CHST8: variants seen among roughly 807,000 people sequenced by gnomAD.
CHST8 encodes the protein carbohydrate sulfotransferase 8.
Under a neutral mutation model 15.0 loss-of-function variants are expected in CHST8, and 10 were observed. That is an observed-to-expected ratio of 0.67 (90% CI 0.41 to 1.13). CHST8 has a LOEUF of 1.13. Among genes scored for constraint, CHST8 ranks in the 50% most tolerant of loss-of-function variants. The probability of loss-of-function intolerance (pLI) is 0.00; values close to 1 mark genes in which losing one functional copy is unlikely to be tolerated. For synonymous variants in CHST8, 259 were observed against 256.6 expected, an observed-to-expected ratio of 1.01 and a Z score of -0.09; for missense variants, 634 against 608.2, an observed-to-expected ratio of 1.04 and a Z score of -0.45.
At chr19:33,710,977 G>A (rs4805929) in intron 3 of CHST8, among the ~76,000 whole-genome samples, 18,270 of 151,270 alleles carry the variant, frequency 0.12, 1,154 homozygotes, top group Middle Eastern at 0.18. Flanking sequence ...GAGCTCAGGC[G>A]ATCCTCCCTC....
intron 3 of CHST8, among the ~76,000 whole-genome samples, chr19:33,762,494 G>A (rs285689): frequency 0.36 from 55,478 of 152,186 alleles, 11,934 homozygotes; most frequent in African/African-American, 0.6. Context: ...ATCACTAAAC[G>A]AAACAAGTGC....
At chr19:33,722,274 G>A (rs1973814402) in intron 3 of CHST8, among the ~76,000 whole-genome samples, 1 of 151,678 alleles carries the variant, frequency 6.6e-6, no homozygotes, top group Non-Finnish European at 1.5e-5. Context: ...TAGATGAATG[G>A]ATGGATGGAC....
intron 1 of CHST8, among the ~76,000 whole-genome samples, chr19:33,634,780 G>A (rs1972171440): frequency 1.3e-5 from 2 of 151,438 alleles, no homozygotes; most frequent in South Asian, 4.2e-4. Context: ...CAGACCTGCT[G>A]GGTTGAAGGG....
chr19:33,640,745 C>A (rs938281637), intron 1 of CHST8, among the ~76,000 whole-genome samples: 7 of 152,172 alleles, frequency 4.6e-5, no homozygotes, highest in African/African-American at 1.7e-4. Flanking sequence ...CATCTCTGGC[C>A]CTTCCTGGGT....
At chr19:33,633,874 C>T (rs138180803) in intron 1 of CHST8, among the ~76,000 whole-genome samples, 4,563 of 151,672 alleles carry the variant, frequency 0.03, 94 homozygotes, top group East Asian at 0.05. Context: ...TCATGGCTCA[C>T]GGCAGCCTTG....
intron 2 of CHST8, among the ~76,000 whole-genome samples, chr19:33,684,274 G>T (rs1443609092): frequency 1.3e-5 from 2 of 152,214 alleles, no homozygotes; most frequent in Non-Finnish European, 1.5e-5. Context: ...GGGGGGAGTG[G>T]AGAGAACCCT....
intron 2 of CHST8, among the ~76,000 whole-genome samples, chr19:33,681,794 G>C (rs971142582): frequency 1.3e-5 from 2 of 152,040 alleles, no homozygotes; most frequent in African/African-American, 4.8e-5. Flanking sequence ...GGGGTGCCCT[G>C]CTCTGAGCCT....
At chr19:33,751,263 G>A (rs973681849) in intron 3 of CHST8, among the ~76,000 whole-genome samples, 6 of 152,144 alleles carry the variant, frequency 3.9e-5, no homozygotes, top group East Asian at 1.9e-4. Flanking sequence ...GGCTTGGCTC[G>A]GTGTTGGGAA....
At chr19:33,637,872 A>G (rs868380995) in intron 1 of CHST8, among the ~76,000 whole-genome samples, 1 of 150,712 alleles carries the variant, frequency 6.6e-6, no homozygotes, top group Non-Finnish European at 1.5e-5. Flanking sequence ...AAAAAAAAAA[A>G]AAAAGAAAGG....
intron 3 of CHST8, among the ~76,000 whole-genome samples, chr19:33,759,264 CT>C (rs1277817069): frequency 6.6e-6 from 1 of 152,234 alleles, no homozygotes; most frequent in African/African-American, 2.4e-5. Context: ...TCACTTGCTT[CT>C]ATTTGCTGGT....
chr19:33,663,013 G>A (rs1178681785), intron 1 of CHST8, among the ~76,000 whole-genome samples: 1 of 152,160 alleles, frequency 6.6e-6, no homozygotes, highest in Non-Finnish European at 1.5e-5. Context: ...AAGGCTCAGG[G>A]TCACACAAAG....
intron 3 of CHST8, among the ~76,000 whole-genome samples, chr19:33,724,603 C>G (rs1173652070): frequency 6.6e-6 from 1 of 152,238 alleles, no homozygotes; most frequent in Non-Finnish European, 1.5e-5. Context: ...ACAGTATTGC[C>G]TGGGGCTGCA....
intron 2 of CHST8, among the ~76,000 whole-genome samples, chr19:33,687,456 C>T (rs567140878): frequency 6.6e-5 from 10 of 152,164 alleles, no homozygotes; most frequent in Non-Finnish European, 1.0e-4. Flanking sequence ...GAGGCCATTG[C>T]AGTGAGGTCG....
chr19:33,771,861 G>T, intron 4 of CHST8, 96 bp from the exon 5 acceptor site: 1 of 1,418,234 alleles, frequency 7.1e-7, no homozygotes, highest in Non-Finnish European at 9.5e-7. Context: ...ACCTGAGAGG[G>T]ACAGGAACCC....
chr19:33,629,722 G>A (rs1399668612), intron 1 of CHST8, among the ~76,000 whole-genome samples: 1 of 152,280 alleles, frequency 6.6e-6, no homozygotes, highest in Admixed American at 6.5e-5. Context: ...GTCTGGGCCT[G>A]AGCCAGCTCC....
chr19:33,649,247 G>C (rs1972400881), intron 1 of CHST8, among the ~76,000 whole-genome samples: 2 of 152,044 alleles, frequency 1.3e-5, no homozygotes, highest in South Asian at 4.1e-4. Flanking sequence ...TTGTGTGCTA[G>C]TATTTCACTG....
intron 3 of CHST8, among the ~76,000 whole-genome samples, chr19:33,743,296 C>CTTTT (rs916165328): frequency 1.2e-3 from 121 of 98,232 alleles, no homozygotes; most frequent in Non-Finnish European, 1.5e-3. Context: ...CACAGCAATT[C>CTTTT]TTTTTTTTTT....
intron 3 of CHST8, 146 bp from the exon 4 acceptor site, chr19:33,771,267 T>G: frequency 1.3e-6 from 1 of 777,030 alleles, no homozygotes; most frequent in Non-Finnish European, 2.3e-6. Flanking sequence ...GCTCCAGCAC[T>G]GAGCCATGCC....
chr19:33,702,180 G>T (rs1973351805), intron 3 of CHST8, among the ~76,000 whole-genome samples: 1 of 152,084 alleles, frequency 6.6e-6, no homozygotes, highest in African/African-American at 2.4e-5. Context: ...CACCATGTTG[G>T]CCAGGCTGGT....
Sources: allele counts gnomAD v4.1 joint callset (sites outside exome capture counted in the v4.1 genomes callset), GRCh38; gene constraint gnomAD v4.1.1; transcripts MANE v1.5; gene names NCBI Gene and HGNC (gene_info 2026-07-23, HGNC 2026-07-21).